The following HIVEP2 variants were observed in gnomAD, a reference collection of about 807,000 sequenced individuals.
HIVEP2 encodes transcription factor HIVEP2.
Under a neutral mutation model 180.7 loss-of-function variants are expected in HIVEP2, and 14 were observed. The observed-to-expected ratio is 0.08, with a 90% confidence interval of 0.05 to 0.12. The LOEUF (loss-of-function observed/expected upper bound fraction) is 0.12, where lower values mean the gene tolerates loss of function less well. Ranked by LOEUF, HIVEP2 falls within the 10% of genes least tolerant of loss-of-function variation. HIVEP2 has a pLI of 1.00. For synonymous variants in HIVEP2, 1,184 were observed against 1,136.4 expected (o/e 1.04, Z -0.84); for missense variants, 2,579 against 3,008.5 (o/e 0.86, Z 3.34).
chr6:142,932,204 G>A (rs1777956096), intron 1 of HIVEP2, among the ~76,000 whole-genome samples: 1 of 152,040 alleles, frequency 6.6e-6, no homozygotes, highest in African/African-American at 2.4e-5. Flanking sequence ...TATATTTTAT[G>A]TTCTACTTAC....
At chr6:142,886,480 T>C (rs1176373692) in intron 1 of HIVEP2, among the ~76,000 whole-genome samples, 1 of 152,206 alleles carries the variant, frequency 6.6e-6, no homozygotes, top group Non-Finnish European at 1.5e-5. Flanking sequence ...TTTTTATATT[T>C]AAATATCTAA....
chr6:142,897,638 G>A (rs928201344), intron 1 of HIVEP2, among the ~76,000 whole-genome samples: 1 of 152,148 alleles, frequency 6.6e-6, no homozygotes, highest in Non-Finnish European at 1.5e-5. Context: ...AAGGACAAAA[G>A]CAGGCAAAAG....
chr6:142,823,813 T>C (rs1489662505), intron 2 of HIVEP2, among the ~76,000 whole-genome samples: 1 of 152,254 alleles, frequency 6.6e-6, no homozygotes, highest in East Asian at 1.9e-4. Context: ...AACTTGTGAA[T>C]AGTTTTGCTT....
chr6:142,919,212 C>T (rs1562292443), intron 1 of HIVEP2, among the ~76,000 whole-genome samples: 1 of 152,080 alleles, frequency 6.6e-6, no homozygotes, highest in Non-Finnish European at 1.5e-5. Context: ...CAAGTCACCT[C>T]AACTTTCTTT....
chr6:142,821,436 T>C (rs1033294674), intron 2 of HIVEP2, among the ~76,000 whole-genome samples: 4 of 152,210 alleles, frequency 2.6e-5, no homozygotes, highest in Non-Finnish European at 5.9e-5. Flanking sequence ...CCAGAATACT[T>C]GCTTTCAGTC....
intron 2 of HIVEP2, among the ~76,000 whole-genome samples, chr6:142,802,028 T>C (rs977507691): frequency 6.6e-6 from 1 of 152,200 alleles, no homozygotes; most frequent in Admixed American, 6.5e-5. Flanking sequence ...GTTGGGATTC[T>C]GTCTGTATTT....
chr6:142,834,839 A>G (rs953537619), intron 2 of HIVEP2, among the ~76,000 whole-genome samples: 3 of 152,106 alleles, frequency 2.0e-5, no homozygotes, highest in African/African-American at 7.2e-5. Context: ...GTTACATTGA[A>G]AAAAAAACCC....
intron 9 of HIVEP2, among the ~76,000 whole-genome samples, chr6:142,758,530 C>A (rs1184709238): frequency 1.3e-5 from 2 of 152,110 alleles, no homozygotes; most frequent in East Asian, 3.9e-4. Context: ...CAAGGGAGTA[C>A]AACAAAGAGT....
At chr6:142,880,458 G>A (rs1307226482) in intron 1 of HIVEP2, among the ~76,000 whole-genome samples, 1 of 152,170 alleles carries the variant, frequency 6.6e-6, no homozygotes, top group Non-Finnish European at 1.5e-5. Context: ...ACCAGACACA[G>A]TCACCAGCGT....
chr6:142,908,928 A>C (rs1167532517), intron 1 of HIVEP2, among the ~76,000 whole-genome samples: 1 of 152,056 alleles, frequency 6.6e-6, no homozygotes, highest in Non-Finnish European at 1.5e-5. Flanking sequence ...ACAAAGTACA[A>C]AGGAACCAAG....
Position 142,887,060 on chromosome 6 carries a change from T to C in HIVEP2, c.-640-50013A>G, listed in dbSNP as rs1006298526. On this transcript the variant is annotated intron_variant, in intron 1 of 9. Transcript: ENST00000367603. ...TTCACTGGTGCCCTCTAGTTGATCA[T>C]TGCTAAAGCAATTTTGAGGAAGTAC... 2.6e-5 allele frequency among the ~76,000 whole-genome samples: 4 copies of C among 152,188 alleles called. No homozygotes were observed. In the South Asian group the frequency reaches 8.3e-4, roughly 31 times the overall value.
At position 142,771,580 on chromosome 6, in the gene HIVEP2, A is replaced by G. The variant is rs1423820862; in HGVS notation, c.3159T>C (p.Tyr1053=). ...ACACAGGAGCATGGGACAGATTCCC[A>G]TAATCAAATGATTTGCTCCGAACTT... ...VPEVRSKSFD[Y]GNLSHAPVSG... Residue 1053 remains tyrosine (Y), a synonymous_variant, in exon 5 of 10, where the codon TAT becomes TAC. Transcript: ENST00000367603. The surrounding 1 kb of genome is among the most constrained non-coding windows in gnomAD (Gnocchi z 5.4). 1 of 1,614,130 alleles carries G rather than the reference A, an allele frequency of 6.2e-7. No homozygotes were observed. The highest frequency in any genetic ancestry group is 2.2e-5 in the East Asian group (1 of 44,882).
chr6:142,892,385 C>T (rs1776881146), intron 1 of HIVEP2, among the ~76,000 whole-genome samples: 1 of 152,146 alleles, frequency 6.6e-6, no homozygotes, highest in Non-Finnish European at 1.5e-5. Flanking sequence ...ATGGATAAAG[C>T]TCTTCCTACA....
At chr6:142,837,420 T>G (rs198649) in intron 1 of HIVEP2, among the ~76,000 whole-genome samples, 151,162 of 152,186 alleles carry the variant, frequency 0.99, 75,078 homozygotes, top group East Asian at 1. Context: ...CTAATTTACT[T>G]ATGCAATGAA....
At chr6:142,942,293 C>T (rs543597407) in intron 1 of HIVEP2, among the ~76,000 whole-genome samples, 1 of 37,516 alleles carries the variant, frequency 2.7e-5, no homozygotes, top group South Asian at 8.3e-4. Context: ...ATGAGCCCTG[C>T]TTTGAAAAAA....
Position 142,836,146 on chromosome 6 carries a change from A to AT in HIVEP2, c.-528+788dup, listed in dbSNP as rs199769240. On this transcript the variant is annotated intron_variant, in intron 2 of 9. Coordinates refer to ENST00000367603, the MANE Select transcript of HIVEP2 (RefSeq NM_006734.4). Reference sequence around the variant, plus strand: ...TCTTGTGACCTAAATTAGGAATACAATTTTTTTTTCCAATTTTTCTTTACT... The same window carrying AT: ...TCTTGTGACCTAAATTAGGAATACAATTTTTTTTTTCCAATTTTTCTTTACT... 7.1e-4 allele frequency among the ~76,000 whole-genome samples: 108 copies of AT among 151,706 alleles called. 1 individual carries two copies. The East Asian group carries it at 0.014, about 20-fold the overall frequency.
At chr6:142,785,986 A>T (rs1181685464) in intron 2 of HIVEP2, among the ~76,000 whole-genome samples, 4 of 152,220 alleles carry the variant, frequency 2.6e-5, no homozygotes, top group African/African-American at 4.8e-5. Context: ...TTTTTGCACA[A>T]ATCATTTTGT....
chr6:142,891,763 G>T (rs1243049244), intron 1 of HIVEP2, among the ~76,000 whole-genome samples: 2 of 152,144 alleles, frequency 1.3e-5, no homozygotes, highest in Admixed American at 6.5e-5. Flanking sequence ...CAGCTAATTC[G>T]GCAACATCGC....
chr6:142,842,410 A>G (rs533017964), intron 1 of HIVEP2, among the ~76,000 whole-genome samples: 1 of 152,322 alleles, frequency 6.6e-6, no homozygotes, highest in East Asian at 1.9e-4. Flanking sequence ...CCGATATGGT[A>G]CATGAAGAAT....
Sources: gnomAD v4.1 joint callset for allele counts (sites outside exome capture counted in the v4.1 genomes callset) on GRCh38, gnomAD v4.1.1 for gene constraint, Gnocchi (gnomAD v3.1) non-coding constraint, MANE v1.5 for transcripts, NCBI Gene and HGNC (gene_info 2026-07-23, HGNC 2026-07-21) for gene names.